GFY: variants seen among roughly 807,000 people sequenced by gnomAD.
The protein encoded by GFY is golgi associated olfactory signaling regulator, also known as Golgi-associated olfactory signaling regulator.
GFY carries 28 observed loss-of-function variants against 29.1 expected under a neutral mutation model. The ratio of observed to expected loss-of-function variants is 0.96; its 90% CI spans 0.71 to 1.32. GFY has a LOEUF of 1.32. Among genes scored for constraint, GFY ranks in the 40% most tolerant of loss-of-function variants. GFY has a pLI of 0.00. For missense variants in GFY, 656 were observed against 661.9 expected (o/e 0.99, Z 0.10); for synonymous variants, 277 against 274.5 (o/e 1.01, Z -0.09).
In GFY at chr19:49,425,392, CCCTA is replaced by C. The variant is rs1235468157; in HGVS notation, c.-115_-112del. 6.6e-6 allele frequency: 1 copy of C among 152,200 alleles called. No homozygotes were observed. The highest frequency in any genetic ancestry group is 1.5e-5 in the Non-Finnish European group (1 of 68,078). The allele number at this position is 152,200 out of a possible 1,614,324, so 9.4% of individuals were successfully genotyped here. ...GTGCGTCACCTGTGTGCCCCTGAGA[CCCTA>C]CCTCCCACCGCCCTGCCCAGATCTG... On this transcript the variant is annotated 5_prime_UTR_variant, in exon 1 of 4. Coordinates refer to ENST00000610896, the MANE Select transcript of GFY (RefSeq NM_001195256.2).
chr19:49,426,290 C>T (rs1048158906), intron 1 of GFY, 120 bp from the exon 2 acceptor site: 5 of 1,419,232 alleles, frequency 3.5e-6, no homozygotes, highest in Non-Finnish European at 4.6e-6. Context: ...ATCCCTGGCG[C>T]CAAGCTGGGC....
upstream of GFY, among the ~76,000 whole-genome samples, chr19:49,424,756 A>C (rs1568630758): frequency 6.6e-6 from 1 of 151,650 alleles, no homozygotes; most frequent in Non-Finnish European, 1.5e-5. Flanking sequence ...AATCGCTTGA[A>C]CCTGGGAGAG....
At chr19:49,428,191 C>A (rs1057349439) in intron 3 of GFY, 72 bp downstream of exon 3, 173 of 1,473,118 alleles carry the variant, frequency 1.2e-4, no homozygotes, top group Middle Eastern at 1.8e-4. Flanking sequence ...AGGGCGCCAG[C>A]CAAAAAAGCA....
At chr19:49,427,642 C>G (rs1443575278) in intron 2 of GFY, 29 bp downstream of exon 2, 4 of 1,196,850 alleles carry the variant, frequency 3.3e-6, no homozygotes, top group African/African-American at 2.5e-5. Context: ...ACTCCTGAGT[C>G]TGAGGGAGGG....
At position 49,427,186 on chromosome 19, in the gene GFY, C is replaced by T. The variant is rs1393340401; in HGVS notation, c.756C>T (p.Ser252=). ...HPESHVTHNP[S]PTEISQTEFP... ...AATCCCATGTGACCCACAATCCCAG[C>T]CCCACCGAAATTTCCCAAACAGAAT... The change falls in exon 2 of 4, where the codon AGC becomes AGT. Residue 252 remains serine (S), a synonymous_variant. Coordinates refer to ENST00000610896, the MANE Select transcript of GFY (RefSeq NM_001195256.2). 27 of 1,536,022 alleles carry T rather than the reference C, an allele frequency of 1.8e-5. No individual in the cohort carries two copies. In the Admixed American group the frequency reaches 5.1e-4, roughly 29 times the overall value.
chr19:49,428,367 C>A (rs1400152941), intron 3 of GFY, among the ~76,000 whole-genome samples: 1 of 152,170 alleles, frequency 6.6e-6, no homozygotes, highest in Non-Finnish European at 1.5e-5. Flanking sequence ...CCCTGCCCCT[C>A]CAGGTACGCG....
Position 49,428,016 on chromosome 19 carries a change from G to T in GFY, c.1254G>T (p.Ala418=), listed in dbSNP as rs1211008226. 1.3e-6 allele frequency: 2 copies of T among 1,535,872 alleles called. No homozygotes were observed. Among genetic ancestry groups the T allele is most frequent in the Admixed American group, 2.0e-5 (1 of 50,994 alleles). Residue 418 remains alanine, a synonymous_variant, in exon 3 of 4, where the codon GCG becomes GCT. Transcript: ENST00000610896. The part of the protein sequence containing the change: ...GALCLFFAGT[A]LLIGIFVLLW... ...TCTGCCTGTTCTTCGCGGGGACCGC[G>T]CTGCTGATCGGCATCTTTGTGCTGC...
rs1208525584 is a variant in GFY at position 49,428,093 on chromosome 19, G to A, written c.1331G>A (p.Arg444Gln). 1.3e-6 allele frequency: 2 copies of A among 1,533,606 alleles called. No homozygotes were observed. The highest frequency in any genetic ancestry group is 1.7e-4 in the Middle Eastern group (1 of 5,976). The allele number at this position is 1,533,606 out of a possible 1,614,324, so 95.0% of individuals were successfully genotyped here. A position where few individuals can be genotyped will look rare whatever the true frequency, so the allele number is the denominator to read the frequency against. Residue 444 changes from arginine to glutamine, a missense_variant, in exon 3 of 4, where the codon CGG becomes CAG. Arg to Gln is a conservative substitution (Grantham distance 43, BLOSUM62 1). Coordinates refer to ENST00000610896, the MANE Select transcript of GFY (RefSeq NM_001195256.2). ...AARQRPFAHH[R>Q]LPDDGDEPVL... ...AGACAGCGGCCCTTCGCACATCACC[G>A]GCTTCCGGACGACGGAGATGAACCG...
Position 49,428,601 on chromosome 19 carries a change from G to A in GFY, c.1358-18G>A, listed in dbSNP as rs775919496. ...GGAGGGTCAGCCCAGAGATGACCAC[G>A]CCCCTTTGCACCCACAGTTCTGCAT... On this transcript the variant is annotated intron_variant, in intron 3 of 3. Coordinates refer to ENST00000610896, the MANE Select transcript of GFY (RefSeq NM_001195256.2). 2.3e-5 allele frequency: 33 copies of A among 1,444,612 alleles called. No homozygotes were observed. In the African/African-American group the frequency reaches 2.9e-4, roughly 13 times the overall value. 89.5% of individuals were successfully genotyped at this position (1,444,612 alleles called of 1,614,324 possible).
chr19:49,426,947 C>G lies in GFY; in HGVS notation c.517C>G (p.Leu173Val). 6.5e-7 allele frequency: 1 copy of G among 1,535,866 alleles called. No homozygotes were observed. ...PEFPETPNTD[L>V]MQTTPQESPE... The stretch of plus-strand genomic sequence containing the variant: ...ATTTCCTGAGACCCCAAACACTGAC[C>G]TTATGCAAACTACACCCCAAGAATC... The change falls in exon 2 of 4, where the codon CTT (leucine) becomes GTT (valine). Residue 173 changes from leucine to valine, a missense_variant. Transcript: ENST00000610896.
chr19:49,427,394 C>T lies in GFY; in HGVS notation c.964C>T (p.Pro322Ser). Residue 322 changes from proline (P) to serine (S), a missense_variant, in exon 2 of 4, where the codon CCC becomes TCC. Coordinates refer to ENST00000610896, the MANE Select transcript of GFY (RefSeq NM_001195256.2). ...CATCCAGCCCGACTCCCCAAAATTGCCCACTTCAGATTCTCCAGGAATGGT... is the reference window on the plus strand; with the variant it reads ...CATCCAGCCCGACTCCCCAAAATTGTCCACTTCAGATTCTCCAGGAATGGT... Reference protein sequence around the residue: ...AAIQPDSPKLPTSDSPGMVEL... With the variant: ...AAIQPDSPKLSTSDSPGMVEL... The T allele has an allele frequency of 6.5e-7, 1 of 1,535,996 alleles. No homozygotes were observed. The highest frequency in any genetic ancestry group is 8.7e-7 in the Non-Finnish European group (1 of 1,146,794).
In GFY at chr19:49,426,652, T is replaced by G. The variant is rs1284851618; in HGVS notation, c.222T>G (p.His74Gln). The change falls in exon 2 of 4, where the codon CAT becomes CAG. Residue 74 changes from histidine to glutamine, a missense_variant. His to Gln is a conservative substitution (Grantham distance 24). Transcript: ENST00000610896. ...ACCCTGAGCCTTCCAAGCTACCTCA[T>G]ACGGTTTCCCTGGAAACCTTCCCAC... Reference protein sequence around the residue: ...TPYPEPSKLPHTVSLETFPLD... With the variant: ...TPYPEPSKLPQTVSLETFPLD... 7 of 1,535,772 alleles carry G rather than the reference T, an allele frequency of 4.6e-6. No individual in the cohort carries two copies. Among genetic ancestry groups the G allele is most frequent in the Non-Finnish European group, 6.1e-6 (7 of 1,146,858 alleles).
intron 2 of GFY, 130 bp from the exon 3 acceptor site, chr19:49,427,816 C>A: frequency 1.6e-6 from 2 of 1,248,604 alleles, no homozygotes; most frequent in Non-Finnish European, 2.2e-6. Flanking sequence ...GGTCTGGACT[C>A]CTGGGTCTGA....
rs113645405 is a variant in GFY at position 49,426,537 on chromosome 19, T to C, written c.107T>C (p.Met36Thr). 801 of 1,536,150 alleles carry C rather than the reference T, an allele frequency of 5.2e-4. 5 individuals carry two copies. In the African/African-American group the frequency reaches 8.9e-3, roughly 17 times the overall value. The change falls in exon 2 of 4, where the codon ATG (methionine) becomes ACG (threonine). Residue 36 changes from methionine to threonine, a missense_variant. Coordinates refer to ENST00000610896, the MANE Select transcript of GFY (RefSeq NM_001195256.2). ...CCTTTGGGCTGTGGCTTTCCGGACATGGCCCACCCCTCTGAGACTTCCCCT... is the reference window on the plus strand; with the variant it reads ...CCTTTGGGCTGTGGCTTTCCGGACACGGCCCACCCCTCTGAGACTTCCCCT... ...PLPLGCGFPD[M>T]AHPSETSPLK... is the part of the protein sequence containing the mutation.
At chr19:49,427,900 A>G (rs1975097429) in intron 2 of GFY, 46 bp from the exon 3 acceptor site, 12 of 1,508,068 alleles carry the variant, frequency 8.0e-6, no homozygotes, top group Non-Finnish European at 8.9e-6. Flanking sequence ...CCTGGGTCTG[A>G]GAGAGGAGGG....
chr19:49,427,625 G>A lies in GFY; in HGVS notation c.1183+12G>A, dbSNP rs1266051774. ...AGTGAAGGAGACCGGTGAGGGGCAG[G>A]AGCCGGACTCCTGAGTCTGAGGGAG... On this transcript the variant is annotated intron_variant, in intron 2 of 3. Coordinates refer to ENST00000610896, the MANE Select transcript of GFY (RefSeq NM_001195256.2). 7.0e-7 allele frequency: 1 copy of A among 1,434,050 alleles called. No homozygotes were observed. Among genetic ancestry groups the A allele is most frequent in the African/African-American group, 1.5e-5 (1 of 67,894 alleles). The allele number at this position is 1,434,050 out of a possible 1,614,324, so 88.8% of individuals were successfully genotyped here.
chr19:49,428,601 G>T lies in GFY; in HGVS notation c.1358-18G>T, dbSNP rs775919496. On this transcript the variant is annotated intron_variant, in intron 3 of 3. Coordinates refer to ENST00000610896, the MANE Select transcript of GFY (RefSeq NM_001195256.2). ...GGAGGGTCAGCCCAGAGATGACCAC[G>T]CCCCTTTGCACCCACAGTTCTGCAT... is the stretch of plus-strand genomic sequence containing the variant. 6.9e-7 allele frequency: 1 copy of T among 1,444,730 alleles called. No individual in the cohort carries two copies. The highest frequency in any genetic ancestry group is 9.1e-7 in the Non-Finnish European group (1 of 1,096,782). 89.5% of individuals were successfully genotyped at this position (1,444,730 alleles called of 1,614,324 possible).
chr19:49,426,000 CTGTAG>C (rs1975068244), intron 1 of GFY, among the ~76,000 whole-genome samples: 1 of 152,156 alleles, frequency 6.6e-6, no homozygotes, highest in Non-Finnish European at 1.5e-5. Flanking sequence ...TAGGAGCCTC[CTGTAG>C]TGTAAACAAC....
At chr19:49,424,789 C>T (rs1053858458), upstream of GFY, among the ~76,000 whole-genome samples, 1 of 151,196 alleles carries the variant, frequency 6.6e-6, no homozygotes, top group Non-Finnish European at 1.5e-5. Flanking sequence ...GAGCTGAGAT[C>T]GCACCACTGC....
Sources: gnomAD v4.1 joint callset for allele counts (sites outside exome capture counted in the v4.1 genomes callset) on GRCh38, gnomAD v4.1.1 for gene constraint, MANE v1.5 for transcripts, NCBI Gene and HGNC (gene_info 2026-07-23, HGNC 2026-07-21) for gene names.